TRMT44: variants seen among roughly 807,000 people sequenced by gnomAD.
The protein encoded by TRMT44 is probable tRNA (uracil-O(2)-)-methyltransferase.
In TRMT44, 78 loss-of-function variants were observed where a neutral mutation model predicts 77.3. That is an observed-to-expected ratio of 1.01 (90% CI 0.84 to 1.22). The LOEUF is 1.22. Ranked by LOEUF, TRMT44 falls within the 50% of genes most tolerant of loss-of-function variation. The pLI is 0.00. For missense variants in TRMT44, 1,090 were observed against 964.4 expected (o/e 1.13, Z -1.73); for synonymous variants, 391 against 383.3 (o/e 1.02, Z -0.23).
chr4:8,443,292 C>G (rs933273282), intron 1 of TRMT44, among the ~76,000 whole-genome samples: 1 of 152,226 alleles, frequency 6.6e-6, no homozygotes, highest in African/African-American at 2.4e-5. Flanking sequence ...GTGTAGACTT[C>G]GCTGAACAGA....
chr4:8,458,460 TTTTC>T (rs1352714062), intron 6 of TRMT44, among the ~76,000 whole-genome samples: 19 of 138,932 alleles, frequency 1.4e-4, no homozygotes, highest in African/African-American at 5.2e-4. Context: ...TTTTCTTTTC[TTTTC>T]TTTTTTTTTT....
intron 6 of TRMT44, among the ~76,000 whole-genome samples, chr4:8,457,906 C>T (rs1725908034): frequency 6.6e-6 from 1 of 152,154 alleles, no homozygotes; most frequent in South Asian, 2.1e-4. Flanking sequence ...CAAACAAAGG[C>T]AGGAGATGAA....
chr4:8,499,434 C>T, the TRMT44 span, among the ~76,000 whole-genome samples: 1 of 152,088 alleles, frequency 6.6e-6, no homozygotes, highest in African/African-American at 2.4e-5. Context: ...TTTCTCCATC[C>T]ACGGAGCCTC....
At position 8,460,017 on chromosome 4, in the gene TRMT44, C is replaced by T. The variant is rs111854126; in HGVS notation, c.1204-3968C>T. 5.1e-4 allele frequency among the ~76,000 whole-genome samples: 78 copies of T among 152,282 alleles called. 1 individual carries two copies. The highest frequency in any genetic ancestry group is 1.5e-3 in the African/African-American group (64 of 41,542). On this transcript the variant is annotated intron_variant, in intron 6 of 10. Coordinates refer to ENST00000389737, the MANE Select transcript of TRMT44 (RefSeq NM_152544.3). Reference sequence around the variant, plus strand: ...TGGGCCTGACAGCACATCTATTCCACGCTGTCAGCCAGCCCTGGGCACTAG... The same window carrying T: ...TGGGCCTGACAGCACATCTATTCCATGCTGTCAGCCAGCCCTGGGCACTAG...
chr4:8,443,088 A>G (rs539526089), intron 1 of TRMT44, among the ~76,000 whole-genome samples: 1 of 152,266 alleles, frequency 6.6e-6, no homozygotes, highest in South Asian at 2.1e-4. Context: ...GTCCCCTCTG[A>G]TGGCTCCCAA....
chr4:8,457,508 C>G (rs536760923), intron 6 of TRMT44, among the ~76,000 whole-genome samples: 346 of 152,298 alleles, frequency 2.3e-3, no homozygotes, highest in African/African-American at 7.7e-3. Flanking sequence ...AACACAGCTT[C>G]TCTTTTCAGC....
At chr4:8,496,234 A>T, downstream of TRMT44, among the ~76,000 whole-genome samples, 1 of 152,132 alleles carries the variant, frequency 6.6e-6, no homozygotes, top group Admixed American at 6.5e-5. Flanking sequence ...CCCACTGTGG[A>T]GTGTACTTTT....
chr4:8,487,196 G>C (rs1727837506), intron 2 of TRMT44, among the ~76,000 whole-genome samples: 1 of 152,144 alleles, frequency 6.6e-6, no homozygotes, highest in South Asian at 2.1e-4. Context: ...TTTGTATTGG[G>C]GTCAAGCGGC....
chr4:8,469,007 G>T (rs1200925465), intron 9 of TRMT44, among the ~76,000 whole-genome samples: 1 of 152,212 alleles, frequency 6.6e-6, no homozygotes. Flanking sequence ...AGAGCACGGA[G>T]CCCCATCCCC....
intron 9 of TRMT44, chr4:8,468,672 C>T (rs1051265448): frequency 1.9e-5 from 10 of 531,610 alleles, no homozygotes; most frequent in Non-Finnish European, 3.0e-5. Flanking sequence ...TTACTGAGTG[C>T]AAGCAAAATG....
chr4:8,503,613 C>G, the TRMT44 span, among the ~76,000 whole-genome samples: 1 of 152,206 alleles, frequency 6.6e-6, no homozygotes, highest in African/African-American at 2.4e-5. Flanking sequence ...AGTCAGCACC[C>G]AGTAAGGTGC....
intron 10 of TRMT44, among the ~76,000 whole-genome samples, chr4:8,472,620 G>C (rs1358993179): frequency 2.6e-5 from 4 of 152,314 alleles, no homozygotes; most frequent in South Asian, 4.1e-4. Context: ...CTCCTGGAGA[G>C]CTGAACTTGG....
At chr4:8,481,520 C>A (rs922511443), downstream of TRMT44, among the ~76,000 whole-genome samples, 2 of 152,232 alleles carry the variant, frequency 1.3e-5, no homozygotes, top group Non-Finnish European at 2.9e-5. Flanking sequence ...AGTCACCTGA[C>A]ATTCCTGGTG....
At chr4:8,470,957 G>C in intron 9 of TRMT44, 127 bp from the exon 10 acceptor site, 1 of 659,774 alleles carries the variant, frequency 1.5e-6, no homozygotes, top group Non-Finnish European at 2.7e-6. Flanking sequence ...AGATGGAATC[G>C]TCCTTCGTGC....
the TRMT44 span, among the ~76,000 whole-genome samples, chr4:8,516,773 G>C: frequency 6.6e-6 from 1 of 152,130 alleles, no homozygotes; most frequent in Non-Finnish European, 1.5e-5. Context: ...GCAAGACCCT[G>C]TCTCAAAAAA....
intron 6 of TRMT44, among the ~76,000 whole-genome samples, chr4:8,459,266 G>T (rs554604514): frequency 6.6e-6 from 1 of 152,304 alleles, no homozygotes; most frequent in Admixed American, 6.5e-5. Flanking sequence ...CCCCCACTTT[G>T]TTCAAGGGCC....
intron 10 of TRMT44, among the ~76,000 whole-genome samples, chr4:8,472,000 C>A (rs1727035815): frequency 8.4e-6 from 1 of 118,778 alleles, no homozygotes; most frequent in Admixed American, 9.7e-5. Context: ...CCATAACTTG[C>A]TTTGTGGCGC....
chr4:8,465,346 C>G lies in TRMT44; in HGVS notation c.1311-32C>G, dbSNP rs573226044. ...TCCTTGACTGCGTCTGCTCAGGATG[C>G]TTGACCCTGTGGTTGTTGGTTCTTT... On this transcript the variant is annotated intron_variant, in intron 7 of 10. Coordinates refer to ENST00000389737, the MANE Select transcript of TRMT44 (RefSeq NM_152544.3). The G allele has an allele frequency of 2.5e-6, 4 of 1,587,068 alleles. No individual in the cohort carries two copies. In the African/African-American group the frequency reaches 5.4e-5, roughly 21 times the overall value.
rs1311418622 is a variant in TRMT44 at position 8,461,452 on chromosome 4, G to A, written c.1204-2533G>A. On this transcript the variant is annotated intron_variant, in intron 6 of 10. Transcript: ENST00000389737. The surrounding 1 kb of genome is among the most constrained non-coding windows in gnomAD (Gnocchi z 4.6). ...CCAGGTGAAAAAGCACCTTTGGGTA[G>A]GAAATTCAAGCAGCAGTGAGTAGGC... 6.6e-6 allele frequency among the ~76,000 whole-genome samples: 1 copy of A among 152,174 alleles called. No homozygotes were observed. Among genetic ancestry groups the A allele is most frequent in the African/African-American group, 2.4e-5 (1 of 41,444 alleles).
Sources: gnomAD v4.1 joint callset for allele counts (sites outside exome capture counted in the v4.1 genomes callset) on GRCh38, gnomAD v4.1.1 for gene constraint, Gnocchi (gnomAD v3.1) non-coding constraint, MANE v1.5 for transcripts, NCBI Gene and HGNC (gene_info 2026-07-23, HGNC 2026-07-21) for gene names.